Variants in ROBO1 observed in about 807,000 individuals in gnomAD.
ROBO1 encodes roundabout homolog 1.
ROBO1 carries 149 observed loss-of-function variants against 195.9 expected under a neutral mutation model. The observed-to-expected ratio is 0.76, with a 90% CI of 0.67 to 0.87. The LOEUF is 0.87. ROBO1 is among the 40% of genes least tolerant of loss of function. The pLI is 0.00. For missense variants in ROBO1, 1,933 were observed against 2,068.3 expected, an observed-to-expected ratio of 0.93 and a Z score of 1.27; for synonymous variants, 816 against 733.2, an observed-to-expected ratio of 1.11 and a Z score of -1.82.
chr3:79,482,099 C>T (rs1389512455), intron 2 of ROBO1, among the ~76,000 whole-genome samples: 1 of 151,992 alleles, frequency 6.6e-6, no homozygotes, highest in Non-Finnish European at 1.5e-5. Context: ...ATTTACGTCT[C>T]GTGTACTTTG....
rs538294441 is a variant in ROBO1 at position 79,173,959 on chromosome 3, G to A, written c.89-48420C>T. On this transcript the variant is annotated intron_variant, in intron 2 of 30. Coordinates refer to ENST00000464233, the MANE Select transcript of ROBO1 (RefSeq NM_002941.4). The stretch of plus-strand genomic sequence containing the variant: ...CTCTGTATCTAGCTACTCTGGTGGG[G>A]ACTTGGAGAACCTTTGTGTCTGGCT... 3.9e-5 allele frequency among the ~76,000 whole-genome samples: 6 copies of A among 152,278 alleles called. No individual in the cohort carries two copies. In the South Asian group the frequency reaches 6.2e-4, roughly 16 times the overall value.
intron 2 of ROBO1, among the ~76,000 whole-genome samples, chr3:79,439,456 T>C (rs868376400): frequency 8.5e-5 from 13 of 152,216 alleles, no homozygotes; most frequent in South Asian, 4.1e-4. Flanking sequence ...AAAACTATTA[T>C]TATCTAAATT....
intron 25 of ROBO1, among the ~76,000 whole-genome samples, chr3:78,630,242 T>C (rs1388912847): frequency 6.6e-6 from 1 of 152,222 alleles, no homozygotes; most frequent in Non-Finnish European, 1.5e-5. Flanking sequence ...AGCCCTGTAT[T>C]TCTCCTAGGC....
intron 3 of ROBO1, among the ~76,000 whole-genome samples, chr3:79,060,680 C>A (rs1216244410): frequency 3.3e-5 from 5 of 151,972 alleles, no homozygotes; most frequent in Non-Finnish European, 7.4e-5. Flanking sequence ...CCCTGGGATG[C>A]AAGGCTGGTT....
intron 4 of ROBO1, among the ~76,000 whole-genome samples, chr3:78,895,064 C>A (rs2037149890): frequency 6.6e-6 from 1 of 152,164 alleles, no homozygotes; most frequent in African/African-American, 2.4e-5. Context: ...TATTACAGAG[C>A]CCAACATGCA....
chr3:78,791,293 C>T (rs2084012575), intron 4 of ROBO1, among the ~76,000 whole-genome samples: 1 of 152,140 alleles, frequency 6.6e-6, no homozygotes, highest in Non-Finnish European at 1.5e-5. Flanking sequence ...ATCCTCCTCT[C>T]TCCTATAGAT....
At chr3:78,714,107 T>G in intron 8 of ROBO1, among the ~76,000 whole-genome samples, 1 of 151,946 alleles carries the variant, frequency 6.6e-6, no homozygotes, top group East Asian at 1.9e-4. Flanking sequence ...AGACCTGGAG[T>G]TTAAAGCACA....
chr3:79,606,154 A>G (rs1944477488), intron 1 of ROBO1, among the ~76,000 whole-genome samples: 1 of 143,784 alleles, frequency 7.0e-6, no homozygotes, highest in Admixed American at 6.8e-5. Flanking sequence ...TAATTTACTC[A>G]TTTAAAAAAA....
chr3:78,851,742 A>C (rs1273047500), intron 4 of ROBO1, among the ~76,000 whole-genome samples: 1 of 152,214 alleles, frequency 6.6e-6, no homozygotes, highest in Non-Finnish European at 1.5e-5. Flanking sequence ...AGTACAAATA[A>C]TACAATGAGC....
chr3:79,230,932 A>G (rs565323948), intron 2 of ROBO1, among the ~76,000 whole-genome samples: 1 of 152,170 alleles, frequency 6.6e-6, no homozygotes, highest in South Asian at 2.1e-4. Context: ...AACAACTACC[A>G]GATCTTTGAC....
In ROBO1 at chr3:78,708,683, G is replaced by A. The variant is rs1009928455; in HGVS notation, c.1045+5714C>T. ...TAAATTTTAGCAGTTTCAATGACAC[G>A]CTGTTTAAAAACGTGGCAGGGTGCC... On this transcript the variant is annotated intron_variant, in intron 8 of 30. Coordinates refer to ENST00000464233, the MANE Select transcript of ROBO1 (RefSeq NM_002941.4). 9.9e-5 allele frequency among the ~76,000 whole-genome samples: 15 copies of A among 152,164 alleles called. No homozygotes were observed. The South Asian group carries it at 1.0e-3, about 11-fold the overall frequency.
chr3:78,711,390 C>CTTTCTTT (rs1491298185), intron 8 of ROBO1, among the ~76,000 whole-genome samples: 47 of 35,088 alleles, frequency 1.3e-3, no homozygotes, highest in African/African-American at 3.5e-3. Context: ...TTCCTTCCTT[C>CTTTCTTT]CTTCCTTCCT....
At position 79,572,287 on chromosome 3, in the gene ROBO1, ATC is replaced by A. The variant is rs201458423; in HGVS notation, c.88+17535_88+17536del. Among the ~76,000 whole-genome samples the A allele has an allele frequency of 8.3e-3, 1,263 of 152,246 alleles. 16 individuals carry two copies. Among genetic ancestry groups the A allele is most frequent in the African/African-American group, 0.028 (1,150 of 41,580 alleles). On this transcript the variant is annotated intron_variant, in intron 2 of 30. Coordinates refer to ENST00000464233, the MANE Select transcript of ROBO1 (RefSeq NM_002941.4). ...TCAAAATTCAATGAAAACTAATCTT[ATC>A]TGTCAGTATTTACATAAACATAACA...
chr3:78,842,617 A>G lies in ROBO1; in HGVS notation c.500-95717T>C, dbSNP rs2033345632. 1.3e-5 allele frequency among the ~76,000 whole-genome samples: 2 copies of G among 148,934 alleles called. 1 individual carries two copies. Among genetic ancestry groups the G allele is most frequent in the Admixed American group, 1.4e-4 (2 of 14,730 alleles). ...CCATATATATATTTTTATATATGGC[A>G]CCTAAGCACACGAAATAATACTCTA... On this transcript the variant is annotated intron_variant, in intron 4 of 30. Coordinates refer to ENST00000464233, the MANE Select transcript of ROBO1 (RefSeq NM_002941.4).
chr3:79,404,525 C>A (rs573589734), intron 2 of ROBO1, among the ~76,000 whole-genome samples: 4 of 152,052 alleles, frequency 2.6e-5, no homozygotes, highest in Non-Finnish European at 5.9e-5. Context: ...CACCCTGAGA[C>A]GACAAGCATA....
intron 4 of ROBO1, among the ~76,000 whole-genome samples, chr3:78,803,913 G>A (rs1226520634): frequency 2.6e-5 from 4 of 152,134 alleles, no homozygotes; most frequent in Non-Finnish European, 5.9e-5. Flanking sequence ...TAAAAGATTT[G>A]AAATTGTACA....
intron 1 of ROBO1, among the ~76,000 whole-genome samples, chr3:79,596,600 A>G (rs1364848855): frequency 1.3e-5 from 2 of 152,108 alleles, no homozygotes; most frequent in Admixed American, 1.3e-4. Flanking sequence ...ATGATGTATT[A>G]ATTATTATTA....
chr3:78,960,451 G>T (rs1014127561), intron 3 of ROBO1, among the ~76,000 whole-genome samples: 1 of 151,108 alleles, frequency 6.6e-6, no homozygotes, highest in African/African-American at 2.4e-5. Flanking sequence ...ATATTTACCT[G>T]ACTAAATAAC....
intron 1 of ROBO1, among the ~76,000 whole-genome samples, chr3:79,609,381 A>G (rs1187096810): frequency 2.3e-4 from 35 of 151,962 alleles, no homozygotes; most frequent in Non-Finnish European, 2.9e-5. Context: ...AGAAAAATTG[A>G]AACATCCGTG....
Sources: gnomAD v4.1 joint callset for allele counts (sites outside exome capture counted in the v4.1 genomes callset) on GRCh38, gnomAD v4.1.1 for gene constraint, MANE v1.5 for transcripts, NCBI Gene and HGNC (gene_info 2026-07-23, HGNC 2026-07-21) for gene names.